Variants in SEMA3E observed in about 807,000 individuals in gnomAD.
The protein encoded by SEMA3E is semaphorin-3E.
In SEMA3E, 49 loss-of-function variants were observed where a neutral mutation model predicts 93.6. That is an observed-to-expected ratio of 0.52 (90% CI 0.42 to 0.66). The LOEUF (loss-of-function observed/expected upper bound fraction) is 0.66, where lower values mean the gene tolerates loss of function less well. Among genes scored for constraint, SEMA3E ranks in the 30% least tolerant of loss-of-function variants. The pLI, the probability that SEMA3E is intolerant of heterozygous loss-of-function variation, is 0.00. For synonymous variants in SEMA3E, 363 were observed against 330.7 expected (o/e 1.10, Z -1.06); for missense variants, 906 against 964.8 (o/e 0.94, Z 0.81).
chr7:83,535,443 G>A lies in SEMA3E; in HGVS notation c.116-45169C>T, dbSNP rs1562822789. Among the ~76,000 whole-genome samples the A allele has an allele frequency of 2.0e-5, 3 of 150,612 alleles. No individual in the cohort carries two copies. In the South Asian group the frequency reaches 6.3e-4, roughly 32 times the overall value. On this transcript the variant is annotated intron_variant, in intron 1 of 16. Transcript: ENST00000643230. ...GGTAATATTTCATTCATTCACTAAG[G>A]AGACAGGGCAAACATTTATACAATC...
At chr7:83,634,386 T>G (rs758683001) in intron 1 of SEMA3E, among the ~76,000 whole-genome samples, 1 of 152,122 alleles carries the variant, frequency 6.6e-6, no homozygotes, top group Non-Finnish European at 1.5e-5. Flanking sequence ...TAATTCAGTT[T>G]TTTTTCTCCA....
intron 4 of SEMA3E, among the ~76,000 whole-genome samples, chr7:83,456,487 C>G (rs1260422709): frequency 6.7e-6 from 1 of 149,776 alleles, no homozygotes; most frequent in Admixed American, 6.7e-5. Flanking sequence ...ACGCCTGTAG[C>G]AAAAAATAAA....
At chr7:83,611,977 CT>C in intron 1 of SEMA3E, among the ~76,000 whole-genome samples, 1 of 152,114 alleles carries the variant, frequency 6.6e-6, no homozygotes, top group African/African-American at 2.4e-5. Context: ...TCCCACTGTC[CT>C]CCCTGCTCCC....
intron 1 of SEMA3E, among the ~76,000 whole-genome samples, chr7:83,590,483 C>G (rs1055904496): frequency 2.0e-5 from 3 of 152,158 alleles, no homozygotes; most frequent in Non-Finnish European, 1.5e-5. Flanking sequence ...AGTGTTCACG[C>G]TCACCATTGT....
At chr7:83,378,986 G>T (rs1207251057) in intron 16 of SEMA3E, among the ~76,000 whole-genome samples, 2 of 151,734 alleles carry the variant, frequency 1.3e-5, no homozygotes, top group East Asian at 1.9e-4. Context: ...ATAAAGATAT[G>T]GAATCAACCT....
chr7:83,461,118 A>C (rs1789607351), intron 4 of SEMA3E, among the ~76,000 whole-genome samples: 1 of 152,128 alleles, frequency 6.6e-6, no homozygotes, highest in Non-Finnish European at 1.5e-5. Flanking sequence ...ATCCTGCCAG[A>C]TCTAAATAAT....
chr7:83,415,455 T>C (rs764556155), intron 5 of SEMA3E, among the ~76,000 whole-genome samples: 7 of 152,116 alleles, frequency 4.6e-5, no homozygotes, highest in Non-Finnish European at 1.0e-4. Context: ...ATATATGACA[T>C]AGTTCAGTTA....
intron 1 of SEMA3E, among the ~76,000 whole-genome samples, chr7:83,596,860 C>T (rs951345220): frequency 9.9e-5 from 15 of 152,070 alleles, no homozygotes; most frequent in Non-Finnish European, 2.9e-5. Context: ...AAAGTAATAT[C>T]GCCAGGGTCA....
At chr7:83,639,110 CAAAAAAAAAAAAA>C (rs1172097095) in intron 1 of SEMA3E, among the ~76,000 whole-genome samples, 62 of 27,472 alleles carry the variant, frequency 2.3e-3, no homozygotes, top group South Asian at 4.5e-3. Flanking sequence ...GACTCCGTCT[CAAAAAAAAAAAAA>C]AAAAAAAAAA....
intron 1 of SEMA3E, among the ~76,000 whole-genome samples, chr7:83,639,476 C>A (rs1793954825): frequency 6.6e-6 from 1 of 151,394 alleles, no homozygotes; most frequent in South Asian, 2.1e-4. Flanking sequence ...CAGTAGATAC[C>A]AAAGCCCAGG....
intron 3 of SEMA3E, 51 bp from the exon 4 acceptor site, chr7:83,466,652 C>T: frequency 1.2e-6 from 2 of 1,603,856 alleles, no homozygotes; most frequent in Non-Finnish European, 1.7e-6. Flanking sequence ...AAACATGTTT[C>T]GTCCTTTTTG....
At chr7:83,565,991 C>T (rs1792141091) in intron 1 of SEMA3E, among the ~76,000 whole-genome samples, 1 of 134,208 alleles carries the variant, frequency 7.5e-6, no homozygotes, top group Admixed American at 7.8e-5. Flanking sequence ...CCAATGTTTC[C>T]ACTCTTTTTT....
intron 1 of SEMA3E, among the ~76,000 whole-genome samples, chr7:83,576,296 C>A (rs567703413): frequency 2.6e-5 from 4 of 152,084 alleles, no homozygotes; most frequent in African/African-American, 7.2e-5. Flanking sequence ...TATTTATCAA[C>A]CTTTTATTGG....
At chr7:83,576,137 A>T (rs374325039) in intron 1 of SEMA3E, among the ~76,000 whole-genome samples, 1 of 152,224 alleles carries the variant, frequency 6.6e-6, no homozygotes, top group Non-Finnish European at 1.5e-5. Flanking sequence ...ACAAATGACA[A>T]CTATCCAAAG....
chr7:83,614,632 A>T (rs1458508735), intron 1 of SEMA3E, among the ~76,000 whole-genome samples: 1 of 151,896 alleles, frequency 6.6e-6, no homozygotes, highest in African/African-American at 2.4e-5. Context: ...TATCCAAAGT[A>T]GGTGTTCAAA....
chr7:83,569,352 C>A (rs1332124505), intron 1 of SEMA3E, among the ~76,000 whole-genome samples: 1 of 152,030 alleles, frequency 6.6e-6, no homozygotes, highest in African/African-American at 2.4e-5. Flanking sequence ...AAACAACCAG[C>A]TAACAACAAA....
intron 1 of SEMA3E, among the ~76,000 whole-genome samples, chr7:83,533,154 G>A (rs973952848): frequency 6.6e-6 from 1 of 151,942 alleles, no homozygotes; most frequent in Non-Finnish European, 1.5e-5. Flanking sequence ...ATTTCCTTAG[G>A]GTATCATGTG....
At chr7:83,532,832 T>A (rs1481636755) in intron 1 of SEMA3E, among the ~76,000 whole-genome samples, 1 of 152,082 alleles carries the variant, frequency 6.6e-6, no homozygotes, top group Non-Finnish European at 1.5e-5. Flanking sequence ...TGAGGCTTTA[T>A]CTTGCTTCAA....
intron 2 of SEMA3E, among the ~76,000 whole-genome samples, chr7:83,484,207 T>G (rs572875945): frequency 5.3e-5 from 8 of 152,322 alleles, no homozygotes; most frequent in Admixed American, 4.6e-4. Context: ...GGAAAATATT[T>G]TCACTGACCA....
Sources: allele counts gnomAD v4.1 joint callset (sites outside exome capture counted in the v4.1 genomes callset), GRCh38; gene constraint gnomAD v4.1.1; transcripts MANE v1.5; gene names NCBI Gene and HGNC (gene_info 2026-07-23, HGNC 2026-07-21).